Variants in WLS observed in about 807,000 individuals in gnomAD.
WLS encodes protein wntless homolog.
Under a neutral mutation model 62.8 loss-of-function variants are expected in WLS, and 23 were observed. The ratio of observed to expected loss-of-function variants is 0.37; its 90% CI spans 0.26 to 0.52. The LOEUF (loss-of-function observed/expected upper bound fraction) is 0.52, where lower values mean the gene tolerates loss of function less well. Ranked by LOEUF, WLS falls within the 20% of genes least tolerant of loss-of-function variation. WLS has a pLI of 0.92. For synonymous variants in WLS, 246 were observed against 244.1 expected (o/e 1.01, Z -0.07); for missense variants, 615 against 697.3 (o/e 0.88, Z 1.33).
At chr1:68,152,606 A>T (rs1646842067) in intron 5 of WLS, among the ~76,000 whole-genome samples, 1 of 152,246 alleles carries the variant, frequency 6.6e-6, no homozygotes. Context: ...ATCCCGTGAA[A>T]AGCAGTTTTA....
chr1:68,159,923 T>C (rs974728486), intron 2 of WLS, among the ~76,000 whole-genome samples: 1 of 152,198 alleles, frequency 6.6e-6, no homozygotes, highest in African/African-American at 2.4e-5. Context: ...CAAATGAATG[T>C]TCACACATAC....
intron 2 of WLS, 30 bp from the exon 3 acceptor site, chr1:68,159,277 A>T (rs1208665192): frequency 6.2e-7 from 1 of 1,603,142 alleles, no homozygotes; most frequent in South Asian, 1.1e-5. Context: ...CGTTTCAGAA[A>T]TGACTTTTGG....
chr1:68,232,241 A>G lies in WLS; in HGVS notation c.59T>C (p.Ile20Thr). The part of the protein sequence containing the change: ...STKKLCIVGG[I>T]LLVFQIIAFL... ...GGCGATGATTTGGAACACGAGCAGA[A>G]TCCCACCAACAATGCACAGCTTCTT... is the stretch of plus-strand genomic sequence containing the variant. The change falls in exon 1 of 12, where the codon ATT (isoleucine) becomes ACT (threonine). Residue 20 changes from isoleucine to threonine, a missense_variant. Coordinates refer to ENST00000262348, the MANE Select transcript of WLS (RefSeq NM_024911.7). 1 of 1,614,160 alleles carries G rather than the reference A, an allele frequency of 6.2e-7. No homozygotes were observed.
chr1:68,188,818 A>G (rs981097433), intron 2 of WLS, among the ~76,000 whole-genome samples: 9 of 152,240 alleles, frequency 5.9e-5, no homozygotes, highest in East Asian at 5.8e-4. Context: ...GTTACTGGCC[A>G]GCAGTGAGGA....
intron 2 of WLS, among the ~76,000 whole-genome samples, chr1:68,169,984 A>T (rs949255901): frequency 6.6e-6 from 1 of 152,072 alleles, no homozygotes; most frequent in African/African-American, 2.4e-5. Flanking sequence ...CACCTTAGCT[A>T]CTTGGTGCCT....
intron 10 of WLS, among the ~76,000 whole-genome samples, chr1:68,140,426 T>C (rs1646669410): frequency 6.6e-6 from 1 of 152,210 alleles, no homozygotes; most frequent in African/African-American, 2.4e-5. Context: ...ACAACATACA[T>C]GCACACATTT....
At chr1:68,161,479 T>C (rs976263280) in intron 2 of WLS, among the ~76,000 whole-genome samples, 4 of 152,248 alleles carry the variant, frequency 2.6e-5, no homozygotes, top group Admixed American at 1.3e-4. Flanking sequence ...GAAAAAGCTC[T>C]ATTTATTCTT....
chr1:68,106,716 C>CTGTGTGTGTGTGTGTGTGTGTGTGTG (rs59601112), intron 11 of WLS, among the ~76,000 whole-genome samples: 4 of 146,822 alleles, frequency 2.7e-5, no homozygotes, highest in African/African-American at 1.0e-4. Context: ...GTGTTTGTCA[C>CTGTGTGTGTGTGTGTGTGTGTGTGTG]TGTGTGTGTG....
intron 11 of WLS, among the ~76,000 whole-genome samples, chr1:68,132,156 G>C (rs766200642): frequency 3.3e-5 from 5 of 152,208 alleles, no homozygotes; most frequent in Admixed American, 6.5e-5. Context: ...GGCCAGGAAA[G>C]GTCAGGTCAC....
intron 5 of WLS, among the ~76,000 whole-genome samples, chr1:68,151,971 A>G (rs1265687263): frequency 1.3e-5 from 2 of 152,122 alleles, no homozygotes; most frequent in Non-Finnish European, 2.9e-5. Flanking sequence ...TCCAGGTGAG[A>G]AGCGATGGTT....
intron 1 of WLS, among the ~76,000 whole-genome samples, chr1:68,229,180 G>A (rs890134982): frequency 2.6e-5 from 4 of 152,128 alleles, no homozygotes; most frequent in African/African-American, 9.6e-5. Context: ...GTCACTCTGG[G>A]GTTCACGGAT....
chr1:68,231,623 G>GAC, intron 1 of WLS: 1 of 411,012 alleles, frequency 2.4e-6, no homozygotes, highest in South Asian at 1.8e-5. Context: ...AGTGCGGCGG[G>GAC]AAAGCAGAGG....
chr1:68,099,000 C>G (rs1376199568), intron 11 of WLS, among the ~76,000 whole-genome samples: 1 of 152,044 alleles, frequency 6.6e-6, no homozygotes, highest in Non-Finnish European at 1.5e-5. Flanking sequence ...CCTCCACATT[C>G]AACAAATTTT....
intron 1 of WLS, among the ~76,000 whole-genome samples, chr1:68,204,363 A>G (rs941683145): frequency 2.6e-5 from 4 of 152,068 alleles, no homozygotes; most frequent in Admixed American, 1.3e-4. Flanking sequence ...TCTGTCGTCC[A>G]GGCTGGAGTG....
intron 1 of WLS, among the ~76,000 whole-genome samples, chr1:68,216,952 C>T (rs1557526234): frequency 6.6e-6 from 1 of 152,092 alleles, no homozygotes; most frequent in Non-Finnish European, 1.5e-5. Context: ...TGCGTTTATA[C>T]CATGGACTTA....
chr1:68,131,510 G>A (rs1272109517), intron 11 of WLS, among the ~76,000 whole-genome samples: 3 of 152,056 alleles, frequency 2.0e-5, no homozygotes, highest in Admixed American at 2.0e-4. Context: ...GTTGTCTCTC[G>A]GTGCCTGTCA....
downstream of WLS, among the ~76,000 whole-genome samples, chr1:68,120,707 TGTGTGTGTGTGCGC>T (rs1404122557): frequency 2.3e-5 from 3 of 129,810 alleles, no homozygotes; most frequent in African/African-American, 8.7e-5. Context: ...TGTGTGTGTG[TGTGTGTGTGTGCGC>T]GCGCGCACAT....
At chr1:68,182,909 T>A (rs1213185880) in intron 2 of WLS, among the ~76,000 whole-genome samples, 2 of 151,940 alleles carry the variant, frequency 1.3e-5, no homozygotes, top group African/African-American at 4.8e-5. Flanking sequence ...ATGTTAGAGG[T>A]TTTTTTTGTT....
intron 1 of WLS, among the ~76,000 whole-genome samples, chr1:68,200,749 A>G (rs964468265): frequency 6.6e-6 from 1 of 152,194 alleles, no homozygotes; most frequent in African/African-American, 2.4e-5. Context: ...CCATTGCACT[A>G]TGAATGGTAT....
Sources: gnomAD v4.1 joint callset for allele counts (sites outside exome capture counted in the v4.1 genomes callset) on GRCh38, gnomAD v4.1.1 for gene constraint, MANE v1.5 for transcripts, NCBI Gene and HGNC (gene_info 2026-07-23, HGNC 2026-07-21) for gene names.